Variants in KCTD14 observed in about 807,000 individuals in gnomAD.
KCTD14 encodes the protein BTB/POZ domain-containing protein KCTD14.
A neutral mutation model predicts 5.9 loss-of-function variants in KCTD14; 7 were observed. The observed-to-expected ratio is 1.19, with a 90% confidence interval of 0.68 to 2.23. KCTD14 has a LOEUF of 2.23. Ranked by LOEUF, KCTD14 falls within the 30% of genes most tolerant of loss-of-function variation. The pLI is 0.00. For missense variants in KCTD14, 342 were observed against 332.2 expected, an observed-to-expected ratio of 1.03 and a Z score of -0.23; for synonymous variants, 140 against 133.1, an observed-to-expected ratio of 1.05 and a Z score of -0.36.
rs747037594 is a variant in KCTD14 at position 78,017,097 on chromosome 11, G to T, written c.264C>A (p.Pro88=). The part of the protein sequence containing the change: ...FIDRPSTYFR[P]ILDYLRTGQV... ...GCCCAGTGCGCAGGTAGTCCAGGAT[G>T]GGTCTGAAATAGGTGCTGGGGCGGT... is the stretch of plus-strand genomic sequence containing the variant. Residue 88 remains proline (P), a synonymous_variant, in exon 2 of 2, where the codon CCC becomes CCA. Coordinates refer to ENST00000353172, the MANE Select transcript of KCTD14 (RefSeq NM_023930.4). The T allele has an allele frequency of 6.2e-7, 1 of 1,614,202 alleles. No individual in the cohort carries two copies. Among genetic ancestry groups the T allele is most frequent in the Non-Finnish European group, 8.5e-7 (1 of 1,180,040 alleles).
chr11:78,024,386 A>C (rs1003467828), upstream of KCTD14, among the ~76,000 whole-genome samples: 8 of 92,962 alleles, frequency 8.6e-5, no homozygotes, highest in African/African-American at 3.8e-4. Context: ...CTCTCAAAAA[A>C]AAAAAAAAAA....
At chr11:78,023,626 C>T (rs1388037947), upstream of KCTD14, 1 of 195,724 alleles carries the variant, frequency 5.1e-6, no homozygotes, top group Non-Finnish European at 1.0e-5. Context: ...GATCCTCCCA[C>T]CTCAGCCTCC....
chr11:78,017,468 G>C (rs367889161), intron 1 of KCTD14, among the ~76,000 whole-genome samples, 198 bp from the exon 2 acceptor site: 4 of 133,896 alleles, frequency 3.0e-5, no homozygotes, highest in Non-Finnish European at 6.3e-5. Context: ...TTTTTTTTTC[G>C]ACGGAGTCTC....
upstream of KCTD14, among the ~76,000 whole-genome samples, chr11:78,026,594 C>A (rs771518114): frequency 2.6e-5 from 4 of 151,806 alleles, no homozygotes; most frequent in Non-Finnish European, 5.9e-5. Flanking sequence ...CATGGTGAGT[C>A]CCCATGTCTA....
chr11:78,016,695 C>T lies in KCTD14; in HGVS notation c.666G>A (p.Lys222=). The T allele has an allele frequency of 6.2e-7, 1 of 1,614,186 alleles. No homozygotes were observed. The highest frequency in any genetic ancestry group is 8.5e-7 in the Non-Finnish European group (1 of 1,180,026). The change falls in exon 2 of 2, where the codon AAG becomes AAA. Residue 222 remains lysine, a synonymous_variant. Transcript: ENST00000353172. ...TGGAGAATACCTTGTACCCCTGGGC[C>T]TTAATGTCCATCTCCAGGCAGTGCA... The part of the protein sequence containing the change: ...DLMHCLEMDI[K]AQGYKVFSKF...
upstream of KCTD14, among the ~76,000 whole-genome samples, chr11:78,025,112 GTGTGTGTATATATATATA>G (rs1278934365): frequency 6.3e-3 from 435 of 68,584 alleles, 2 homozygotes; most frequent in Middle Eastern, 0.024. Context: ...GTGTGTGTGT[GTGTGTGTATATATATATA>G]TATATATATA....
At chr11:78,045,382 C>T (rs1433168801) in intron 1 of KCTD14, among the ~76,000 whole-genome samples, 1 of 152,164 alleles carries the variant, frequency 6.6e-6, no homozygotes, top group Non-Finnish European at 1.5e-5. Flanking sequence ...GTCTTAGGTT[C>T]TACGATAGTG....
chr11:78,039,409 A>G (rs1373660704), intron 1 of KCTD14, among the ~76,000 whole-genome samples: 1 of 151,990 alleles, frequency 6.6e-6, no homozygotes, highest in Non-Finnish European at 1.5e-5. Context: ...TGCTCCTGTA[A>G]TCCCAGCTAC....
chr11:78,029,475 A>G (rs1857557565), intron 2 of KCTD14, among the ~76,000 whole-genome samples: 1 of 152,210 alleles, frequency 6.6e-6, no homozygotes, highest in South Asian at 2.1e-4. Flanking sequence ...CCCAGAGGTC[A>G]CTGGTTGGTT....
chr11:78,018,876 T>C (rs1200090305), intron 1 of KCTD14, among the ~76,000 whole-genome samples: 1 of 152,126 alleles, frequency 6.6e-6, no homozygotes, highest in Non-Finnish European at 1.5e-5. Context: ...CATACATGTG[T>C]TCATTCAGGA....
chr11:78,029,976 G>C (rs1463719153), intron 2 of KCTD14, among the ~76,000 whole-genome samples: 1 of 151,890 alleles, frequency 6.6e-6, no homozygotes. Context: ...AGTAGAGACA[G>C]GGTTTCACCG....
intron 1 of KCTD14, among the ~76,000 whole-genome samples, chr11:78,039,903 C>T (rs1857943144): frequency 6.6e-6 from 1 of 151,748 alleles, no homozygotes; most frequent in East Asian, 1.9e-4. Context: ...CTTCTTTCTT[C>T]TCTCCTTCCT....
chr11:78,019,184 T>C (rs1474746745), intron 1 of KCTD14, among the ~76,000 whole-genome samples: 2 of 151,842 alleles, frequency 1.3e-5, no homozygotes, highest in East Asian at 3.9e-4. Flanking sequence ...TGGCTAATTT[T>C]TGTATTTTTA....
At chr11:78,028,903 A>G (rs1444615337) in intron 2 of KCTD14, among the ~76,000 whole-genome samples, 1 of 152,094 alleles carries the variant, frequency 6.6e-6, no homozygotes, top group African/African-American at 2.4e-5. Context: ...ATTAAATGAC[A>G]TGCATAAAAA....
intron 1 of KCTD14, among the ~76,000 whole-genome samples, chr11:78,018,303 G>A (rs1857224823): frequency 6.6e-6 from 1 of 152,192 alleles, no homozygotes; most frequent in Admixed American, 6.5e-5. Flanking sequence ...CACTTTGGGA[G>A]GCCAAGGCAG....
At chr11:78,029,755 A>G (rs938207561) in intron 2 of KCTD14, among the ~76,000 whole-genome samples, 2 of 151,648 alleles carry the variant, frequency 1.3e-5, no homozygotes, top group African/African-American at 2.4e-5. Context: ...ACTCAGTTCC[A>G]CAAGGAATCT....
intron 1 of KCTD14, among the ~76,000 whole-genome samples, chr11:78,021,113 G>A (rs1323773233): frequency 1.3e-5 from 2 of 151,848 alleles, no homozygotes; most frequent in African/African-American, 4.8e-5. Flanking sequence ...GACTAGCCTG[G>A]ACAACATGGC....
rs183438923 is a variant in KCTD14 at position 78,016,220 on chromosome 11, A to G, written c.*373T>C. The stretch of plus-strand genomic sequence containing the variant: ...ATGGATTGGACCCCAAGCTGGGGCT[A>G]TGTAGACTACATCTTTAGGTCAGAA... On this transcript the variant is annotated 3_prime_UTR_variant, in exon 2 of 2. Coordinates refer to ENST00000353172, the MANE Select transcript of KCTD14 (RefSeq NM_023930.4). 3.2e-4 allele frequency: 84 copies of G among 258,586 alleles called. No individual in the cohort carries two copies. The East Asian group carries it at 8.2e-3, about 25-fold the overall frequency. The allele number at this position is 258,586 out of a possible 1,614,324, so 16.0% of individuals were successfully genotyped here.
chr11:78,021,487 C>T (rs922205579), intron 1 of KCTD14, among the ~76,000 whole-genome samples: 2 of 151,786 alleles, frequency 1.3e-5, no homozygotes, highest in Admixed American at 6.6e-5. Context: ...GGTACAATCT[C>T]GGCTCACTGC....
Sources: gnomAD v4.1 joint callset for allele counts (sites outside exome capture counted in the v4.1 genomes callset) on GRCh38, gnomAD v4.1.1 for gene constraint, MANE v1.5 for transcripts, NCBI Gene and HGNC (gene_info 2026-07-23, HGNC 2026-07-21) for gene names.